The following ABCG1 variants were observed in gnomAD, a reference collection of about 807,000 sequenced individuals.
ABCG1 encodes ATP binding cassette subfamily G member 1.
A neutral mutation model predicts 69.2 loss-of-function variants in ABCG1; 29 were observed. That is an observed-to-expected ratio of 0.42 (90% CI 0.31 to 0.57). ABCG1 has a LOEUF of 0.57. ABCG1 is among the 20% of genes least tolerant of loss of function. The pLI, the probability that ABCG1 is intolerant of heterozygous loss-of-function variation, is 0.15. For missense variants in ABCG1, 718 were observed against 898.1 expected, an observed-to-expected ratio of 0.80 and a Z score of 2.56; for synonymous variants, 370 against 374.8, an observed-to-expected ratio of 0.99 and a Z score of 0.15.
rs974011539 is a variant in ABCG1 at position 42,273,182 on chromosome 21, G to T, written c.405-121G>T. On this transcript the variant is annotated intron_variant, in intron 3 of 14. Transcript: ENST00000398449. The surrounding 1 kb of genome is among the most constrained non-coding windows in gnomAD (Gnocchi z 5.3). ...CTGCCCCTCGGGGTCCCCGTGGCCA[G>T]TGGTTCAGCTGGGAAGATGCTGGGA... is the stretch of plus-strand genomic sequence containing the variant. The T allele has an allele frequency of 7.1e-7, 1 of 1,406,282 alleles. No homozygotes were observed. Among genetic ancestry groups the T allele is most frequent in the Admixed American group, 2.2e-5 (1 of 45,810 alleles). The allele number at this position is 1,406,282 out of a possible 1,614,324, so 87.1% of individuals were successfully genotyped here. A position where few individuals can be genotyped will look rare whatever the true frequency, so the allele number is the denominator to read the frequency against.
At chr21:42,295,084 G>T in intron 14 of ABCG1, 1 of 171,632 alleles carries the variant, frequency 5.8e-6, no homozygotes, top group Non-Finnish European at 1.3e-5. Context: ...ACTTTGGGAG[G>T]CTGAGGCAGG....
Position 42,283,601 on chromosome 21 carries a change from G to A in ABCG1, c.735-959G>A, listed in dbSNP as rs78366005. On this transcript the variant is annotated intron_variant, in intron 6 of 14. Coordinates refer to ENST00000398449, the MANE Select transcript of ABCG1 (RefSeq NM_016818.3). ...GGTGGGGAGTGGGGGTGGTGACTGC[G>A]GGGCACTAGACCACCTGAGGCACAG... is the stretch of plus-strand genomic sequence containing the variant. 5.3e-5 allele frequency among the ~76,000 whole-genome samples: 8 copies of A among 152,168 alleles called. No homozygotes were observed. The South Asian group carries it at 1.0e-3, about 20-fold the overall frequency.
chr21:42,265,839 G>A (rs778008436), intron 2 of ABCG1, among the ~76,000 whole-genome samples: 7 of 152,178 alleles, frequency 4.6e-5, no homozygotes, highest in Non-Finnish European at 1.0e-4. Flanking sequence ...GTGTCCTGCC[G>A]GCCCTGGCCT....
intron 2 of ABCG1, among the ~76,000 whole-genome samples, chr21:42,251,614 A>C (rs1006618133): frequency 3.3e-5 from 5 of 151,746 alleles, no homozygotes; most frequent in Non-Finnish European, 7.4e-5. Flanking sequence ...TGACCAGACC[A>C]GCCTGGTGTG....
intron 2 of ABCG1, chr21:42,259,624 A>G: frequency 3.5e-6 from 5 of 1,438,816 alleles, no homozygotes; most frequent in Non-Finnish European, 4.6e-6. Flanking sequence ...ACTGTCACTC[A>G]TTTGATAAAA....
intron 2 of ABCG1, among the ~76,000 whole-genome samples, chr21:42,268,899 A>C (rs1164220569): frequency 6.6e-6 from 1 of 152,148 alleles, no homozygotes; most frequent in East Asian, 1.9e-4. Context: ...TCCTCCAGCC[A>C]GGGTGATCAT....
In ABCG1 at chr21:42,240,536, C is replaced by T. The variant is rs537245838; in HGVS notation, c.286+14622C>T. On this transcript the variant is annotated intron_variant, in intron 2 of 14. Coordinates refer to ENST00000398449, the MANE Select transcript of ABCG1 (RefSeq NM_016818.3). ...CGCAATCTCAGCTCACTGCAACCTCCGCCTCACAGATTCAAGTGATTCTTC... is the reference window on the plus strand; with the variant it reads ...CGCAATCTCAGCTCACTGCAACCTCTGCCTCACAGATTCAAGTGATTCTTC... Among the ~76,000 whole-genome samples the T allele has an allele frequency of 5.9e-5, 9 of 152,350 alleles. No homozygotes were observed. In the South Asian group the frequency reaches 6.2e-4, roughly 11 times the overall value.
chr21:42,230,757 G>A (rs1057174809), intron 2 of ABCG1, among the ~76,000 whole-genome samples: 8 of 152,162 alleles, frequency 5.3e-5, no homozygotes, highest in Admixed American at 1.3e-4. Flanking sequence ...AGGAGATCCC[G>A]GCGGTTCCCA....
At position 42,276,129 on chromosome 21, in the gene ABCG1, C is replaced by T. The variant is rs908433635; in HGVS notation, c.538-766C>T. Among the ~76,000 whole-genome samples the T allele has an allele frequency of 1.3e-5, 2 of 152,270 alleles. No individual in the cohort carries two copies. The highest frequency in any genetic ancestry group is 2.9e-5 in the Non-Finnish European group (2 of 68,028). ...AGGAAATGGAGGTTGCACGTTTGCC[C>T]AAGGCCACGGGAGGCAGGAGGGTGG... On this transcript the variant is annotated intron_variant, in intron 4 of 14. Coordinates refer to ENST00000398449, the MANE Select transcript of ABCG1 (RefSeq NM_016818.3). This position sits in a 1 kb window ranked among gnomAD's most constrained non-coding sequence, Gnocchi z 5.3.
intron 2 of ABCG1, among the ~76,000 whole-genome samples, chr21:42,269,541 C>G (rs1333315663): frequency 6.6e-6 from 1 of 152,260 alleles, no homozygotes; most frequent in African/African-American, 2.4e-5. Flanking sequence ...CCAGCCCTTT[C>G]TTCCTGTGCC....
chr21:42,230,219 A>G (rs2067880943), intron 2 of ABCG1, among the ~76,000 whole-genome samples: 1 of 152,250 alleles, frequency 6.6e-6, no homozygotes, highest in Non-Finnish European at 1.5e-5. Flanking sequence ...CATTTTCACC[A>G]TATGACTAAT....
intron 2 of ABCG1, among the ~76,000 whole-genome samples, chr21:42,266,153 T>C (rs2068500948): frequency 6.6e-6 from 1 of 151,886 alleles, no homozygotes; most frequent in Admixed American, 6.6e-5. Context: ...TACAAAAAAT[T>C]AGCCTGGCAT....
At position 42,237,705 on chromosome 21, in the gene ABCG1, A is replaced by G. The variant is rs138793436; in HGVS notation, c.286+11791A>G. 4.2e-3 allele frequency among the ~76,000 whole-genome samples: 646 copies of G among 152,364 alleles called. 3 individuals carry two copies. Among genetic ancestry groups the G allele is most frequent in the African/African-American group, 0.015 (611 of 41,586 alleles). ...TTGGTAGAGAGGAGAAGTAGAGAGG[A>G]AAACCAAGAGCCTTGAGATGCTGGG... On this transcript the variant is annotated intron_variant, in intron 2 of 14. Coordinates refer to ENST00000398449, the MANE Select transcript of ABCG1 (RefSeq NM_016818.3).
At chr21:42,211,289 C>T (rs145828401), upstream of ABCG1, among the ~76,000 whole-genome samples, 48 of 152,242 alleles carry the variant, frequency 3.2e-4, no homozygotes, top group East Asian at 8.3e-3. Context: ...AATGAACCAA[C>T]ACACAGAGTT....
upstream of ABCG1, among the ~76,000 whole-genome samples, chr21:42,217,414 G>T (rs1402272657): frequency 6.6e-6 from 1 of 152,038 alleles, no homozygotes; most frequent in Non-Finnish European, 1.5e-5. Flanking sequence ...TGTTCCTGGA[G>T]CGAGATGGGT....
intron 2 of ABCG1, among the ~76,000 whole-genome samples, chr21:42,232,314 G>C (rs375854909): frequency 7.2e-5 from 11 of 152,294 alleles, no homozygotes; most frequent in Admixed American, 2.6e-4. Flanking sequence ...TTTTCTCCCT[G>C]TGAGCACGTT....
At chr21:42,231,560 T>C (rs2067901170) in intron 2 of ABCG1, among the ~76,000 whole-genome samples, 1 of 152,250 alleles carries the variant, frequency 6.6e-6, no homozygotes, top group Admixed American at 6.5e-5. Flanking sequence ...TCACAAGGCC[T>C]GTAATGACAG....
intron 2 of ABCG1, among the ~76,000 whole-genome samples, chr21:42,269,924 G>A (rs944983347): frequency 6.6e-6 from 1 of 152,156 alleles, no homozygotes. Context: ...TGGCATTCAC[G>A]TGATTCTTGA....
In ABCG1 at chr21:42,291,394, T is replaced by C; in HGVS notation, c.1495-104T>C. On this transcript the variant is annotated intron_variant, in intron 12 of 14. Transcript: ENST00000398449. The surrounding 1 kb of genome is among the most constrained non-coding windows in gnomAD (Gnocchi z 6.4). Reference sequence around the variant, plus strand: ...TGGGGAAGGACCCGACTTTGGGAGCTCTGGCGGGAGCTGCGGGGAAGGGCT... The same window carrying C: ...TGGGGAAGGACCCGACTTTGGGAGCCCTGGCGGGAGCTGCGGGGAAGGGCT... 6.7e-7 allele frequency: 1 copy of C among 1,488,350 alleles called. No individual in the cohort carries two copies. The highest frequency in any genetic ancestry group is 9.1e-7 in the Non-Finnish European group (1 of 1,096,658). 92.2% of individuals were successfully genotyped at this position (1,488,350 alleles called of 1,614,324 possible). A position where few individuals can be genotyped will look rare whatever the true frequency, so the allele number is the denominator to read the frequency against.
Sources: gnomAD v4.1 joint callset for allele counts (sites outside exome capture counted in the v4.1 genomes callset) on GRCh38, gnomAD v4.1.1 for gene constraint, Gnocchi (gnomAD v3.1) non-coding constraint, MANE v1.5 for transcripts, NCBI Gene and HGNC (gene_info 2026-07-23, HGNC 2026-07-21) for gene names.